CCNYL1: variants seen among roughly 807,000 people sequenced by gnomAD.
The protein encoded by CCNYL1 is cyclin-Y-like protein 1.
Under a neutral mutation model 44.2 loss-of-function variants are expected in CCNYL1, and 16 were observed. The ratio of observed to expected loss-of-function variants is 0.36; its 90% confidence interval spans 0.25 to 0.55. CCNYL1 has a LOEUF of 0.55. Among genes scored for constraint, CCNYL1 ranks in the 20% least tolerant of loss-of-function variants. The probability of loss-of-function intolerance (pLI) is 0.85; values close to 1 mark genes in which losing one functional copy is unlikely to be tolerated. For missense variants in CCNYL1, 348 were observed against 451.8 expected, an observed-to-expected ratio of 0.77 and a Z score of 2.08; for synonymous variants, 159 against 163.2, an observed-to-expected ratio of 0.97 and a Z score of 0.20.
chr2:207,735,050 C>A (rs1404054968), intron 4 of CCNYL1, among the ~76,000 whole-genome samples: 1 of 152,156 alleles, frequency 6.6e-6, no homozygotes, highest in African/African-American at 2.4e-5. Flanking sequence ...TCAAAAGATT[C>A]TGATGTTTCT....
chr2:207,751,584 G>A (rs2105842861), intron 9 of CCNYL1, among the ~76,000 whole-genome samples: 1 of 152,222 alleles, frequency 6.6e-6, no homozygotes, highest in East Asian at 1.9e-4. Context: ...GCCGGGCGCG[G>A]TGGCTTACGC....
intron 1 of CCNYL1, among the ~76,000 whole-genome samples, chr2:207,722,119 C>CT (rs2091644778): frequency 6.9e-6 from 1 of 144,724 alleles, no homozygotes; most frequent in Admixed American, 7.2e-5. Flanking sequence ...GTTGACCAGG[C>CT]TGGGGGGCAG....
intron 7 of CCNYL1, among the ~76,000 whole-genome samples, chr2:207,744,828 C>T (rs753346615): frequency 2.6e-5 from 4 of 152,160 alleles, no homozygotes; most frequent in Non-Finnish European, 4.4e-5. Flanking sequence ...GAGGGTGATA[C>T]AGGTGAGCAG....
At position 207,722,811 on chromosome 2, in the gene CCNYL1, T is replaced by A. The variant is rs568093102; in HGVS notation, c.221-1989T>A. Among the ~76,000 whole-genome samples the A allele has an allele frequency of 3.4e-4, 52 of 152,058 alleles. 1 individual carries two copies. Among genetic ancestry groups the A allele is most frequent in the African/African-American group, 9.9e-4 (41 of 41,502 alleles). On this transcript the variant is annotated intron_variant, in intron 1 of 9. Transcript: ENST00000295414. ...CAGTCCCTACTAAAAATACAAAAAT[T>A]AGCCGGGCATGGTGATGCGTGCCTG...
At chr2:207,741,616 G>A (rs535192548) in intron 6 of CCNYL1, among the ~76,000 whole-genome samples, 1 of 152,176 alleles carries the variant, frequency 6.6e-6, no homozygotes, top group Non-Finnish European at 1.5e-5. Flanking sequence ...GGAGGCCGAG[G>A]TGGGCAGATC....
rs149155441 is a variant in CCNYL1, at chr2:207,750,656, G to A, written c.807-301G>A. 491 of 247,538 alleles carry A rather than the reference G, an allele frequency of 2.0e-3. 2 individuals are homozygous for A. The East Asian group carries it at 0.027, about 13-fold the overall frequency. The allele number at this position is 247,538 out of a possible 1,614,324, so 15.3% of individuals were successfully genotyped here. On this transcript the variant is annotated intron_variant, in intron 8 of 9. Coordinates refer to ENST00000295414, the MANE Select transcript of CCNYL1 (RefSeq NM_001330218.2). ...CTATAGTGGGGCCTTGTGAGTGAGCGTGAAGTATGAATTGTACAGCTGCAC... is the reference window on the plus strand; with the variant it reads ...CTATAGTGGGGCCTTGTGAGTGAGCATGAAGTATGAATTGTACAGCTGCAC...
chr2:207,742,151 CAAAAAA>C (rs201207374), intron 6 of CCNYL1, 66 bp from the exon 7 acceptor site: 7 of 1,099,102 alleles, frequency 6.4e-6, no homozygotes, highest in East Asian at 5.6e-5. Flanking sequence ...AACTCAGTCT[CAAAAAA>C]AAAAAAAAAA....
intron 1 of CCNYL1, among the ~76,000 whole-genome samples, chr2:207,721,734 G>GTTTTTTTTTTTTTTTTTT (rs59024332): frequency 7.1e-6 from 1 of 141,148 alleles, no homozygotes; most frequent in Non-Finnish European, 1.6e-5. Context: ...GGAGTTTTTT[G>GTTTTTTTTTTTTTTTTTT]TTTTTTTTTT....
At position 207,742,440 on chromosome 2, in the gene CCNYL1, A is replaced by C. The variant is rs1464932641; in HGVS notation, c.639+98A>C. The C allele has an allele frequency of 7.1e-6, 8 of 1,132,858 alleles. No homozygotes were observed. The African/African-American group carries it at 1.2e-4, about 18-fold the overall frequency. The allele number at this position is 1,132,858 out of a possible 1,614,324, so 70.2% of individuals were successfully genotyped here. On this transcript the variant is annotated intron_variant, in intron 7 of 9. Transcript: ENST00000295414. Reference sequence around the variant, plus strand: ...ATAAAAATAGGTTCCTGAAATTATCATCAGAACTTTAAGAGAAACCTATGA... The same window carrying C: ...ATAAAAATAGGTTCCTGAAATTATCCTCAGAACTTTAAGAGAAACCTATGA...
chr2:207,740,218 G>A (rs948501601), intron 5 of CCNYL1, among the ~76,000 whole-genome samples: 1 of 152,164 alleles, frequency 6.6e-6, no homozygotes, highest in African/African-American at 2.4e-5. Context: ...ACAAATACAT[G>A]TCAAGAATGT....
At chr2:207,712,303 T>C (rs1039417548) in intron 1 of CCNYL1, among the ~76,000 whole-genome samples, 187 bp downstream of exon 1, 1 of 152,150 alleles carries the variant, frequency 6.6e-6, no homozygotes, top group East Asian at 1.9e-4. Flanking sequence ...CAGTTTCTTT[T>C]CCTCCTCCTT....
intron 5 of CCNYL1, among the ~76,000 whole-genome samples, chr2:207,739,874 C>T (rs1453487676): frequency 6.6e-6 from 1 of 152,152 alleles, no homozygotes; most frequent in African/African-American, 2.4e-5. Flanking sequence ...AGCAGTTTGC[C>T]CACTTTTGCT....
At position 207,722,040 on chromosome 2, in the gene CCNYL1, A is replaced by G. The variant is rs558845472; in HGVS notation, c.221-2760A>G. On this transcript the variant is annotated intron_variant, in intron 1 of 9. Transcript: ENST00000295414. ...GGGCTTATTTGGCTTTTTTCTCTAT[A>G]TCTTATCATTTCTGTTATCCTAGTT... 4.3e-5 allele frequency among the ~76,000 whole-genome samples: 6 copies of G among 140,692 alleles called. No individual in the cohort carries two copies. In the South Asian group the frequency reaches 6.9e-4, roughly 16 times the overall value. 92.3% of individuals were successfully genotyped at this position (140,692 alleles called of 152,430 possible). A position where few individuals can be genotyped will look rare whatever the true frequency, so the allele number is the denominator to read the frequency against.
chr2:207,747,990 G>C (rs767786522), intron 8 of CCNYL1, among the ~76,000 whole-genome samples: 11 of 151,980 alleles, frequency 7.2e-5, no homozygotes, highest in Admixed American at 5.2e-4. Flanking sequence ...CATATGTCTG[G>C]CCTTTGAAAT....
Position 207,756,013 on chromosome 2 carries a change from T to A in CCNYL1, c.*2315T>A, listed in dbSNP as rs142572332. On this transcript the variant is annotated 3_prime_UTR_variant, in exon 10 of 10. Transcript: ENST00000295414. ...AATGATAAATAATGGTATACAAATA[T>A]TACAATCTACCACCTCAAAAAAACA... The A allele has an allele frequency of 4.1e-3, 622 of 152,316 alleles. 7 individuals are homozygous for A. The highest frequency in any genetic ancestry group is 0.014 in the African/African-American group (586 of 41,554). 9.4% of individuals were successfully genotyped at this position (152,316 alleles called of 1,614,324 possible).
At chr2:207,752,426 C>T (rs1430645149) in intron 9 of CCNYL1, among the ~76,000 whole-genome samples, 1 of 150,976 alleles carries the variant, frequency 6.6e-6, no homozygotes, top group African/African-American at 2.4e-5. Flanking sequence ...CCCAGTTACT[C>T]AGGAGGCTGA....
At chr2:207,752,059 C>T (rs754706945) in intron 9 of CCNYL1, among the ~76,000 whole-genome samples, 9 of 151,810 alleles carry the variant, frequency 5.9e-5, no homozygotes, top group South Asian at 2.1e-4. Flanking sequence ...TTTTTCTTTG[C>T]GACTGTATTC....
intron 5 of CCNYL1, among the ~76,000 whole-genome samples, chr2:207,739,942 T>C (rs1213363398): frequency 6.7e-6 from 1 of 150,110 alleles, no homozygotes; most frequent in Non-Finnish European, 1.5e-5. Flanking sequence ...CTTAGTATTC[T>C]TTTTTTTTAA....
chr2:207,720,187 CAAAAAAAAA>C (rs747214958), intron 1 of CCNYL1, among the ~76,000 whole-genome samples: 1 of 57,904 alleles, frequency 1.7e-5, no homozygotes, highest in Non-Finnish European at 3.2e-5. Context: ...GACTCCGTCT[CAAAAAAAAA>C]AAAAAAAAAA....
Sources: allele counts gnomAD v4.1 joint callset (sites outside exome capture counted in the v4.1 genomes callset), GRCh38; gene constraint gnomAD v4.1.1; transcripts MANE v1.5; gene names NCBI Gene and HGNC (gene_info 2026-07-23, HGNC 2026-07-21).